ZDHHC6: variants seen among roughly 807,000 people sequenced by gnomAD.
ZDHHC6 encodes the protein zDHHC palmitoyltransferase 6.
In ZDHHC6, 32 loss-of-function variants were observed where a neutral mutation model predicts 57.8. The ratio of observed to expected loss-of-function variants is 0.55; its 90% confidence interval spans 0.42 to 0.74. ZDHHC6 has a LOEUF of 0.74. ZDHHC6 is among the 30% of genes least tolerant of loss of function. ZDHHC6 has a pLI of 0.00. For synonymous variants in ZDHHC6, 128 were observed against 158.0 expected (o/e 0.81, Z 1.42); for missense variants, 433 against 500.7 (o/e 0.86, Z 1.29).
chr10:112,446,909 G>T lies in ZDHHC6; in HGVS notation c.-419C>A. 1 of 199,242 alleles carries T rather than the reference G, an allele frequency of 5.0e-6. No homozygotes were observed. The highest frequency in any genetic ancestry group is 1.1e-5 in the Non-Finnish European group (1 of 93,898). 12.3% of individuals were successfully genotyped at this position (199,242 alleles called of 1,614,324 possible). On this transcript the variant is annotated 5_prime_UTR_variant, in exon 1 of 11. Transcript: ENST00000369405. The stretch of plus-strand genomic sequence containing the variant: ...ACCTCTCGGCCAGCGCCCTCGCCAG[G>T]ACTCTCCCGCTCAGGCCCCCTGCGC...
At chr10:112,441,674 C>T (rs1025637988) in intron 4 of ZDHHC6, among the ~76,000 whole-genome samples, 3 of 152,186 alleles carry the variant, frequency 2.0e-5, no homozygotes, top group African/African-American at 7.2e-5. Flanking sequence ...CGTTTACTTT[C>T]AAGGCCTGTT....
At chr10:112,441,323 C>G (rs1217060625) in intron 4 of ZDHHC6, among the ~76,000 whole-genome samples, 1 of 152,180 alleles carries the variant, frequency 6.6e-6, no homozygotes, top group African/African-American at 2.4e-5. Context: ...TATGTCTTTT[C>G]TCTTCTCTTG....
chr10:112,433,930 C>T (rs974656230), intron 7 of ZDHHC6, among the ~76,000 whole-genome samples: 1 of 151,902 alleles, frequency 6.6e-6, no homozygotes, highest in African/African-American at 2.4e-5. Flanking sequence ...AAGACTGGAA[C>T]GAGTCTTAAT....
exon 12 of ZDHHC6, chr10:112,424,475 A>T (rs1338596168): frequency 6.6e-6 from 1 of 152,250 alleles, no homozygotes; most frequent in African/African-American, 2.4e-5. Context: ...TCTTGCTAAT[A>T]TATTTGTTTC....
chr10:112,426,387 C>T (rs1844715016), downstream of ZDHHC6: 1 of 1,584,408 alleles, frequency 6.3e-7, no homozygotes, highest in Non-Finnish European at 8.7e-7. Flanking sequence ...AAGCTTTATG[C>T]ACACCCATGG....
At chr10:112,441,232 T>C (rs1846090933) in intron 4 of ZDHHC6, among the ~76,000 whole-genome samples, 1 of 152,232 alleles carries the variant, frequency 6.6e-6, no homozygotes, top group Non-Finnish European at 1.5e-5. Context: ...TTTGTTGTTG[T>C]TGTTTCCTCA....
chr10:112,440,779 A>C lies in ZDHHC6; in HGVS notation c.520-84T>G, dbSNP rs1029272938. The C allele has an allele frequency of 1.0e-4, 139 of 1,361,088 alleles. No individual in the cohort carries two copies. In the Middle Eastern group the frequency reaches 3.4e-3, roughly 34 times the overall value. 84.3% of individuals were successfully genotyped at this position (1,361,088 alleles called of 1,614,324 possible). The stretch of plus-strand genomic sequence containing the variant: ...CTACTGTGACACGTAAAACAACTTG[A>C]TCAAAGAGATAACAACGTGGCCCTG... On this transcript the variant is annotated intron_variant, in intron 4 of 10. Transcript: ENST00000369405.
intron 2 of ZDHHC6, among the ~76,000 whole-genome samples, chr10:112,444,295 C>T (rs1846430592): frequency 6.6e-6 from 1 of 152,190 alleles, no homozygotes; most frequent in African/African-American, 2.4e-5. Context: ...ACCTGAAATG[C>T]CCTCTTCCCC....
chr10:112,431,279 A>G (rs1845006077), intron 10 of ZDHHC6, among the ~76,000 whole-genome samples: 1 of 151,694 alleles, frequency 6.6e-6, no homozygotes, highest in African/African-American at 2.4e-5. Flanking sequence ...AGTCTTTGTA[A>G]ATTTCCTTTT....
chr10:112,445,054 T>G, intron 2 of ZDHHC6, 116 bp downstream of exon 2: 1 of 1,199,110 alleles, frequency 8.3e-7, no homozygotes, highest in Non-Finnish European at 1.2e-6. Flanking sequence ...AGTAATATAC[T>G]TAGTCTCTGT....
chr10:112,432,221 T>C lies in ZDHHC6; in HGVS notation c.1138+19A>G, dbSNP rs1845110199. On this transcript the variant is annotated intron_variant, in intron 10 of 10. Coordinates refer to ENST00000369405, the MANE Select transcript of ZDHHC6 (RefSeq NM_022494.3). ...TGCTAATAGTCTTGTCCTTTAAACA[T>C]GCCCTTCCATTTCCATACCTTCTAT... is the stretch of plus-strand genomic sequence containing the variant. 6.3e-7 allele frequency: 1 copy of C among 1,590,972 alleles called. No individual in the cohort carries two copies.
chr10:112,445,834 C>T (rs1010219885), intron 1 of ZDHHC6, among the ~76,000 whole-genome samples, 184 bp from the exon 2 acceptor site: 6 of 152,212 alleles, frequency 3.9e-5, no homozygotes, highest in Admixed American at 3.9e-4. Flanking sequence ...AAATATGGTA[C>T]AAGTTTGAAT....
rs754090145 is a variant in ZDHHC6 at position 112,434,462 on chromosome 10, A to G, written c.738T>C (p.Ala246=). 13 of 1,610,742 alleles carry G rather than the reference A, an allele frequency of 8.1e-6. No individual in the cohort carries two copies. The South Asian group carries it at 1.1e-4, about 14-fold the overall frequency. The part of the protein sequence containing the change: ...TSIESWIEEK[A]KDRIQYYQLD... Reference sequence around the variant, plus strand: ...GTTGATAATACTGAATTCGATCTTTAGCCTGTGGGTAACAAAGATATAAGA... The same window carrying G: ...GTTGATAATACTGAATTCGATCTTTGGCCTGTGGGTAACAAAGATATAAGA... Residue 246 remains alanine, a splice_region_variant and synonymous_variant, in exon 7 of 11, where the codon GCT becomes GCC. Transcript: ENST00000369405.
rs778187892 is a variant in ZDHHC6, at chr10:112,440,665, C to T, written c.550G>A (p.Asp184Asn). 9.9e-6 allele frequency: 16 copies of T among 1,613,604 alleles called. No individual in the cohort carries two copies. Among genetic ancestry groups the T allele is most frequent in the East Asian group, 6.7e-5 (3 of 44,856 alleles). The change falls in exon 5 of 11, where the codon GAC (aspartate) becomes AAC (asparagine). Residue 184 changes from aspartate to asparagine, a missense_variant. Coordinates refer to ENST00000369405, the MANE Select transcript of ZDHHC6 (RefSeq NM_022494.3). ...GGATCTCTCCGGGCTGCACTCATGT[C>T]GATCTTCACTGTGTTCCACCCAAAG... is the stretch of plus-strand genomic sequence containing the variant. Reference protein sequence around the residue: ...LSFGWNTVKIDMSAARRDPLP... With the variant: ...LSFGWNTVKINMSAARRDPLP...
chr10:112,434,110 T>C (rs1198335605), intron 7 of ZDHHC6, among the ~76,000 whole-genome samples, 187 bp downstream of exon 7: 1 of 152,156 alleles, frequency 6.6e-6, no homozygotes, highest in Non-Finnish European at 1.5e-5. Flanking sequence ...GTATAGAGAA[T>C]TAAGGAGATA....
At position 112,432,276 on chromosome 10, in the gene ZDHHC6, ATAACCAG is replaced by A; in HGVS notation, c.1095_1101del (p.Trp366MetfsTer11). On this transcript the variant is annotated frameshift_variant, in exon 10 of 11. Coordinates refer to ENST00000369405, the MANE Select transcript of ZDHHC6 (RefSeq NM_022494.3). LOFTEE classifies it high-confidence loss of function. ...GAATCATCAAGAATTTTGTCTCCAT[ATAACCAG>A]TATCTGAAATATTTAAAAGATGAAA... is the stretch of plus-strand genomic sequence containing the variant. 1 of 1,608,622 alleles carries A rather than the reference ATAACCAG, an allele frequency of 6.2e-7. No homozygotes were observed. The highest frequency in any genetic ancestry group is 1.1e-5 in the South Asian group (1 of 89,658).
At chr10:112,438,961 A>G (rs1017829641) in intron 5 of ZDHHC6, among the ~76,000 whole-genome samples, 1 of 152,332 alleles carries the variant, frequency 6.6e-6, no homozygotes, top group South Asian at 2.1e-4. Flanking sequence ...TATGATTCTA[A>G]ATTAGAGGCA....
At chr10:112,446,403 A>G (rs1387450565) in intron 1 of ZDHHC6, among the ~76,000 whole-genome samples, 1 of 152,152 alleles carries the variant, frequency 6.6e-6, no homozygotes. Context: ...GGGAAATGGA[A>G]GGCAGGGCGG....
exon 12 of ZDHHC6, chr10:112,424,876 G>A (rs1052916691): frequency 6.5e-6 from 1 of 152,846 alleles, no homozygotes. Context: ...GCACAGTGGA[G>A]CTGTTTGAGC....
Sources: allele counts gnomAD v4.1 joint callset (sites outside exome capture counted in the v4.1 genomes callset), GRCh38; gene constraint gnomAD v4.1.1; transcripts MANE v1.5; gene names NCBI Gene and HGNC (gene_info 2026-07-23, HGNC 2026-07-21).